The following RESF1 variants were observed in gnomAD, a reference collection of about 807,000 sequenced individuals.
RESF1 encodes gonad expressed transcript.
A neutral mutation model predicts 134.7 loss-of-function variants in RESF1; 65 were observed. That is an observed-to-expected ratio of 0.48 (90% CI 0.40 to 0.59). The LOEUF (loss-of-function observed/expected upper bound fraction) is 0.59, where lower values mean the gene tolerates loss of function less well. Among genes scored for constraint, RESF1 ranks in the 20% least tolerant of loss-of-function variants. RESF1 has a pLI of 0.00. For missense variants in RESF1, 2,274 were observed against 2,002.7 expected (o/e 1.14, Z -2.59); for synonymous variants, 762 against 702.2 (o/e 1.09, Z -1.35).
chr12:31,967,120 G>C (rs1169253549), intron 2 of RESF1, among the ~76,000 whole-genome samples: 1 of 152,168 alleles, frequency 6.6e-6, no homozygotes, highest in Non-Finnish European at 1.5e-5. Flanking sequence ...ATACTTGCTG[G>C]CTATAAAATG....
chr12:31,976,441 C>T (rs751061335), intron 3 of RESF1, among the ~76,000 whole-genome samples: 3 of 152,048 alleles, frequency 2.0e-5, no homozygotes, highest in Non-Finnish European at 2.9e-5. Context: ...TTAAGAAAAT[C>T]ATAAGGGATT....
intron 2 of RESF1, among the ~76,000 whole-genome samples, chr12:31,961,887 T>C (rs1165985260): frequency 6.6e-6 from 1 of 152,192 alleles, no homozygotes; most frequent in Non-Finnish European, 1.5e-5. Flanking sequence ...TTGGATATAA[T>C]TGGAGCTCAA....
rs182484414 is a variant in RESF1 at position 31,967,104 on chromosome 12, G to C, written c.-246-3085G>C. Among the ~76,000 whole-genome samples the C allele has an allele frequency of 1.4e-3, 216 of 152,276 alleles. 1 individual carries two copies. Among genetic ancestry groups the C allele is most frequent in the African/African-American group, 5.0e-3 (209 of 41,562 alleles). On this transcript the variant is annotated intron_variant, in intron 2 of 5. Coordinates refer to ENST00000312561, the MANE Select transcript of RESF1 (RefSeq NM_018169.4). ...TTGTGCATAGGACTTTACCACCTTG[G>C]GGGGTATACTTGCTGGCTATAAAAT...
intron 3 of RESF1, among the ~76,000 whole-genome samples, chr12:31,974,193 T>A (rs1939577992): frequency 6.6e-6 from 1 of 151,780 alleles, no homozygotes; most frequent in Non-Finnish European, 1.5e-5. Flanking sequence ...CACCTCTATG[T>A]TACCAGACAC....
intron 3 of RESF1, among the ~76,000 whole-genome samples, chr12:31,974,856 C>G (rs1157934090): frequency 6.6e-6 from 1 of 151,138 alleles, no homozygotes; most frequent in Non-Finnish European, 1.5e-5. Flanking sequence ...GTGGACTAGT[C>G]AAAGTAGTGA....
At chr12:31,991,941 G>A (rs183525117) in intron 5 of RESF1, among the ~76,000 whole-genome samples, 259 of 152,326 alleles carry the variant, frequency 1.7e-3, no homozygotes, top group Non-Finnish European at 2.7e-3. Flanking sequence ...GGAAACTATA[G>A]ACATGTTTTA....
At position 31,987,307 on chromosome 12, in the gene RESF1, GAC is replaced by G. The variant is rs1188369120; in HGVS notation, c.5073_5074del (p.Asp1691GlufsTer6). On this transcript the variant is annotated frameshift_variant, in exon 5 of 6. Coordinates refer to ENST00000312561, the MANE Select transcript of RESF1 (RefSeq NM_018169.4). LOFTEE classifies it low-confidence loss of function (END_TRUNC). ...FVATKKRTQK[D>X]SQERDNVNSR... is the part of the protein sequence containing the mutation. Reference sequence around the variant, plus strand: ...TGCTACAAAGAAAAGGACACAGAAAGACAGCCAAGAGAGAGGTAAAGTCATCT... The same window carrying G: ...TGCTACAAAGAAAAGGACACAGAAAGAGCCAAGAGAGAGGTAAAGTCATCT... 1 of 1,600,714 alleles carries G rather than the reference GAC, an allele frequency of 6.2e-7. No homozygotes were observed. Among genetic ancestry groups the G allele is most frequent in the African/African-American group, 1.3e-5 (1 of 74,650 alleles).
intron 2 of RESF1, among the ~76,000 whole-genome samples, chr12:31,967,177 T>A (rs775637896): frequency 1.3e-5 from 2 of 152,152 alleles, no homozygotes; most frequent in African/African-American, 2.4e-5. Flanking sequence ...CCCGTGGGGC[T>A]GGGGATACTG....
intron 1 of RESF1, among the ~76,000 whole-genome samples, chr12:31,960,138 C>T (rs1173263481): frequency 6.6e-6 from 1 of 152,080 alleles, no homozygotes; most frequent in Non-Finnish European, 1.5e-5. Context: ...TTTTTAAATG[C>T]ACAAACGCAT....
intron 5 of RESF1, among the ~76,000 whole-genome samples, chr12:31,987,733 ATT>A (rs760691813): frequency 2.6e-5 from 4 of 151,342 alleles, no homozygotes; most frequent in African/African-American, 9.7e-5. Flanking sequence ...TTATTTATTT[ATT>A]TATTTATTTA....
At position 31,981,191 on chromosome 12, in the gene RESF1, A is replaced by G. The variant is rs112918725; in HGVS notation, c.236A>G (p.His79Arg). 6.2e-7 allele frequency: 1 copy of G among 1,614,152 alleles called. No individual in the cohort carries two copies. The highest frequency in any genetic ancestry group is 8.5e-7 in the Non-Finnish European group (1 of 1,179,996). ...YPQQISVSDMHNGTVVASHTS... is the reference protein window; with the variant it reads ...YPQQISVSDMRNGTVVASHTS... ...CAACAAATTTCTGTTTCTGATATGC[A>G]TAATGGGACAGTTGTGGCCTCACAC... The change falls in exon 4 of 6, where the codon CAT becomes CGT. Residue 79 changes from histidine (H) to arginine (R), a missense_variant. Transcript: ENST00000312561.
rs1939961889 is a variant in RESF1, at chr12:31,985,894, A to C, written c.4939A>C (p.Asn1647His). ...LCPDILLKNT[N>H]SVEERKDVKP... ...TCCAGATATCTTACTAAAGAATACA[A>C]ACTCTGTGGAAGAACGGAAGGATGT... The change falls in exon 4 of 6, where the codon AAC (asparagine) becomes CAC (histidine). Residue 1647 changes from asparagine to histidine, a missense_variant. Physicochemically the swap from Asn to His is moderately conservative, Grantham distance 68. Transcript: ENST00000312561. The C allele has an allele frequency of 6.6e-7, 1 of 1,524,628 alleles. No individual in the cohort carries two copies. 94.4% of individuals were successfully genotyped at this position (1,524,628 alleles called of 1,614,324 possible).
At chr12:31,970,662 C>T (rs1449183121) in intron 3 of RESF1, among the ~76,000 whole-genome samples, 1 of 152,224 alleles carries the variant, frequency 6.6e-6, no homozygotes, top group Non-Finnish European at 1.5e-5. Context: ...GAATCTTACA[C>T]ATTCCTCAAA....
At chr12:31,991,015 G>A (rs909697689) in intron 5 of RESF1, among the ~76,000 whole-genome samples, 1 of 152,074 alleles carries the variant, frequency 6.6e-6, no homozygotes, top group Non-Finnish European at 1.5e-5. Flanking sequence ...GGCAACATCA[G>A]GAGATCCCAT....
chr12:31,982,304 A>G lies in RESF1; in HGVS notation c.1349A>G (p.Lys450Arg), dbSNP rs748903468. The G allele has an allele frequency of 6.2e-6, 10 of 1,614,052 alleles. No individual in the cohort carries two copies. In the Admixed American group the frequency reaches 1.0e-4, roughly 16 times the overall value. Residue 450 changes from lysine to arginine, a missense_variant, in exon 4 of 6, where the codon AAA (lysine) becomes AGA (arginine). Transcript: ENST00000312561. ...AAATTGTCTCTAAAACAAACTGCCA[A>G]AATCCAGTCTGGACCCCAGATAACT... ...NSKLSLKQTA[K>R]IQSGPQITPV...
chr12:31,963,448 C>T (rs1380549035), intron 2 of RESF1, among the ~76,000 whole-genome samples: 1 of 152,088 alleles, frequency 6.6e-6, no homozygotes, highest in Non-Finnish European at 1.5e-5. Flanking sequence ...TATCTTTGAG[C>T]TCTGCTGTCC....
rs1939857338 is a variant in RESF1 at position 31,983,294 on chromosome 12, C to T, written c.2339C>T (p.Thr780Ile). 1.9e-6 allele frequency: 3 copies of T among 1,613,960 alleles called. No individual in the cohort carries two copies. The highest frequency in any genetic ancestry group is 2.5e-6 in the Non-Finnish European group (3 of 1,179,930). ...EVKTLSVKGI[T>I]PAVLPETVYP... Reference sequence around the variant, plus strand: ...AAAACATTGTCTGTCAAAGGAATAACACCTGCAGTGTTACCTGAAACAGTG... The same window carrying T: ...AAAACATTGTCTGTCAAAGGAATAATACCTGCAGTGTTACCTGAAACAGTG... The change falls in exon 4 of 6, where the codon ACA (threonine) becomes ATA (isoleucine). Residue 780 changes from threonine (T) to isoleucine (I), a missense_variant. By Grantham distance (89) the Thr-to-Ile change is moderately conservative (BLOSUM62 -1). Transcript: ENST00000312561.
intron 3 of RESF1, among the ~76,000 whole-genome samples, chr12:31,974,439 C>T (rs1939585361): frequency 6.6e-6 from 1 of 151,972 alleles, no homozygotes; most frequent in African/African-American, 2.4e-5. Context: ...GCTAGAAGTC[C>T]AGGGTCAATA....
chr12:31,991,653 G>A (rs1445469827), intron 5 of RESF1, among the ~76,000 whole-genome samples: 2 of 152,072 alleles, frequency 1.3e-5, no homozygotes, highest in Admixed American at 6.6e-5. Flanking sequence ...AGACAGTCTC[G>A]CTCTGTCACC....
Sources: gnomAD v4.1 joint callset for allele counts (sites outside exome capture counted in the v4.1 genomes callset) on GRCh38, gnomAD v4.1.1 for gene constraint, MANE v1.5 for transcripts, NCBI Gene and HGNC (gene_info 2026-07-23, HGNC 2026-07-21) for gene names.